The following CYB5R2 variants were observed in gnomAD, a reference collection of about 807,000 sequenced individuals.
The protein encoded by CYB5R2 is NADH-cytochrome b5 reductase 2.
In CYB5R2, 35 loss-of-function variants were observed where a neutral mutation model predicts 29.8. The observed-to-expected ratio is 1.17, with a 90% CI of 0.90 to 1.56. The LOEUF (loss-of-function observed/expected upper bound fraction) is 1.56. CYB5R2 is among the 40% of genes most tolerant of loss of function. The probability of loss-of-function intolerance (pLI) is 0.00; values close to 1 mark genes in which losing one functional copy is unlikely to be tolerated. For missense variants in CYB5R2, 419 were observed against 346.7 expected (o/e 1.21, Z -1.66); for synonymous variants, 169 against 130.6 (o/e 1.29, Z -2.01).
chr11:7,665,717 C>G, intron 8 of CYB5R2, 171 bp from the exon 9 acceptor site: 6 of 1,161,948 alleles, frequency 5.2e-6, no homozygotes, highest in Non-Finnish European at 7.2e-6. Context: ...AGTAAACAGC[C>G]CTCTGCAGCA....
chr11:7,669,275 C>CA lies in CYB5R2; in HGVS notation c.317dup (p.Leu106PhefsTer36). ...TGGTCTCCCCGATTTTCATGTTCTC[C>CA]AAATACTGAGTCATCTTCCCACCTT... On this transcript the variant is annotated frameshift_variant, in exon 5 of 9. Coordinates refer to ENST00000299498, the MANE Select transcript of CYB5R2 (RefSeq NM_016229.5). LOFTEE classifies it high-confidence loss of function. The CA allele has an allele frequency of 6.2e-7, 1 of 1,614,148 alleles. No individual in the cohort carries two copies. Among genetic ancestry groups the CA allele is most frequent in the Non-Finnish European group, 8.5e-7 (1 of 1,180,006 alleles).
chr11:7,673,934 C>CG (rs562598139), upstream of CYB5R2: 2 of 1,000,760 alleles, frequency 2.0e-6, no homozygotes, highest in Non-Finnish European at 2.4e-6. Flanking sequence ...GGGCCGTGGT[C>CG]GGGGGGCTCT....
At chr11:7,665,990 G>C in intron 8 of CYB5R2, 2 of 1,344,050 alleles carry the variant, frequency 1.5e-6, no homozygotes, top group Non-Finnish European at 2.1e-6. Flanking sequence ...CGCGCCTGTG[G>C]GGTGCTCTGT....
At position 7,668,497 on chromosome 11, in the gene CYB5R2, T is replaced by G. The variant is rs1204078099; in HGVS notation, c.453A>C (p.Gly151=). 1.2e-6 allele frequency: 2 copies of G among 1,614,062 alleles called. No homozygotes were observed. The highest frequency in any genetic ancestry group is 1.1e-5 in the South Asian group (1 of 91,082). Residue 151 remains glycine, a synonymous_variant, in exon 6 of 9, where the codon GGA becomes GGC. Transcript: ENST00000299498. ...TCTTACCTGTGCCCCCAGCAATCAT[T>G]CCCAGGTGATCGGCCAGTGTTTTTT... ...EPKKTLADHL[G]MIAGGTGITP...
At chr11:7,666,576 GC>G in intron 7 of CYB5R2, 26 bp from the exon 8 acceptor site, 1 of 1,555,978 alleles carries the variant, frequency 6.4e-7, no homozygotes, top group Non-Finnish European at 8.9e-7. Context: ...CACTGAAAAA[GC>G]CCCTCCAGGG....
chr11:7,665,169 C>G lies in CYB5R2; in HGVS notation c.*205G>C. 1 of 463,532 alleles carries G rather than the reference C, an allele frequency of 2.2e-6. No homozygotes were observed. Among genetic ancestry groups the G allele is most frequent in the Non-Finnish European group, 3.8e-6 (1 of 263,832 alleles). 28.7% of individuals were successfully genotyped at this position (463,532 alleles called of 1,614,324 possible). On this transcript the variant is annotated 3_prime_UTR_variant, in exon 9 of 9. Transcript: ENST00000299498. Reference sequence around the variant, plus strand: ...GATACTGAAATGGAGCTCTTTCCAGCCTCCAAGCAAGGAGGCCCCAGCAGC... The same window carrying G: ...GATACTGAAATGGAGCTCTTTCCAGGCTCCAAGCAAGGAGGCCCCAGCAGC...
Sources: allele counts gnomAD v4.1 joint callset, GRCh38; gene constraint gnomAD v4.1.1; transcripts MANE v1.5; gene names NCBI Gene and HGNC (gene_info 2026-07-23, HGNC 2026-07-21).